The following PEAK1 variants were observed in gnomAD, a reference collection of about 807,000 sequenced individuals.
The protein encoded by PEAK1 is inactive tyrosine-protein kinase PEAK1.
A neutral mutation model predicts 124.7 loss-of-function variants in PEAK1; 54 were observed. The observed-to-expected ratio is 0.43, with a 90% confidence interval of 0.35 to 0.54. PEAK1 has a LOEUF of 0.54. Among genes scored for constraint, PEAK1 ranks in the 20% least tolerant of loss-of-function variants. The pLI, the probability that PEAK1 is intolerant of heterozygous loss-of-function variation, is 0.01. For missense variants in PEAK1, 2,046 were observed against 2,134.5 expected, an observed-to-expected ratio of 0.96 and a Z score of 0.82; for synonymous variants, 719 against 760.0, an observed-to-expected ratio of 0.95 and a Z score of 0.89.
chr15:77,220,973 T>A (rs1200241661), intron 6 of PEAK1, among the ~76,000 whole-genome samples: 2 of 152,100 alleles, frequency 1.3e-5, no homozygotes, highest in African/African-American at 4.8e-5. Flanking sequence ...TAAAAAAGAT[T>A]GAAAGACTAA....
chr15:77,350,596 G>A (rs1015306310), intron 2 of PEAK1: 72 of 916,158 alleles, frequency 7.9e-5, no homozygotes, highest in Non-Finnish European at 8.7e-5. Context: ...GTATATGTGT[G>A]TTAGAGATTC....
At chr15:77,263,197 G>C (rs1279256696) in intron 5 of PEAK1, among the ~76,000 whole-genome samples, 1 of 152,092 alleles carries the variant, frequency 6.6e-6, no homozygotes, top group African/African-American at 2.4e-5. Flanking sequence ...AAAAGAACTA[G>C]AGAAGCAAGA....
At chr15:77,353,298 A>G (rs1413029280) in intron 2 of PEAK1, among the ~76,000 whole-genome samples, 1 of 152,206 alleles carries the variant, frequency 6.6e-6, no homozygotes, top group Non-Finnish European at 1.5e-5. Context: ...TTCCAAGGTT[A>G]TGTCGAGAAA....
At position 77,367,847 on chromosome 15, in the gene PEAK1, A is replaced by G. The variant is rs560881229; in HGVS notation, c.-665-2622T>C. On this transcript the variant is annotated intron_variant, in intron 1 of 9. Transcript: ENST00000682557. ...TCATTACATGCCTCCATGTACAAAC[A>G]GCATTCTAAGTGGTAGAGGGATACC... Among the ~76,000 whole-genome samples, 24 of 152,356 alleles carry G rather than the reference A, an allele frequency of 1.6e-4. No homozygotes were observed. The East Asian group carries it at 3.5e-3, about 22-fold the overall frequency.
intron 2 of PEAK1, chr15:77,350,056 T>A (rs369414575): frequency 1.0e-6 from 1 of 985,274 alleles, no homozygotes; most frequent in Non-Finnish European, 1.2e-6. Flanking sequence ...TCAGCCACCA[T>A]GATAGTTTTC....
chr15:77,319,316 T>C (rs970763746), intron 2 of PEAK1, among the ~76,000 whole-genome samples: 3 of 150,986 alleles, frequency 2.0e-5, no homozygotes, highest in Admixed American at 1.3e-4. Context: ...ATCTTTTCAG[T>C]GATCTACAAA....
intron 2 of PEAK1, among the ~76,000 whole-genome samples, chr15:77,330,489 A>G (rs1269265905): frequency 1.6e-5 from 1 of 62,376 alleles, no homozygotes; most frequent in African/African-American, 5.7e-5. Context: ...AGTGCTTACA[A>G]AAGGTCCTAC....
intron 6 of PEAK1, among the ~76,000 whole-genome samples, chr15:77,222,075 G>A (rs1596689811): frequency 6.6e-6 from 1 of 151,712 alleles, no homozygotes; most frequent in Non-Finnish European, 1.5e-5. Context: ...ATAAAGTTGA[G>A]GATCTAAAAT....
chr15:77,298,536 T>G (rs546708296), intron 2 of PEAK1, among the ~76,000 whole-genome samples: 1 of 152,144 alleles, frequency 6.6e-6, no homozygotes, highest in Admixed American at 6.5e-5. Flanking sequence ...TAATTTCAAC[T>G]TTGAGGAGAC....
chr15:77,329,804 T>C (rs544610464), intron 2 of PEAK1, among the ~76,000 whole-genome samples: 3 of 152,276 alleles, frequency 2.0e-5, no homozygotes, highest in Admixed American at 1.3e-4. Flanking sequence ...AATTTATCAA[T>C]ATATGAAAGT....
chr15:77,164,482 C>CT (rs991241997), intron 7 of PEAK1, among the ~76,000 whole-genome samples: 20 of 152,142 alleles, frequency 1.3e-4, no homozygotes, highest in Admixed American at 4.6e-4. Flanking sequence ...TACAGATCCA[C>CT]TTTTTTTAAA....
intron 9 of PEAK1, among the ~76,000 whole-genome samples, chr15:77,117,851 G>A (rs925729487): frequency 3.9e-5 from 6 of 152,122 alleles, no homozygotes; most frequent in African/African-American, 7.2e-5. Context: ...ATTGTGACTC[G>A]TATTTTAATT....
chr15:77,209,107 A>G (rs2058791357), intron 6 of PEAK1, among the ~76,000 whole-genome samples: 1 of 152,218 alleles, frequency 6.6e-6, no homozygotes, highest in Non-Finnish European at 1.5e-5. Flanking sequence ...GAGTGTTGAA[A>G]AAAGTTCTAT....
At chr15:77,206,540 C>G (rs981140979) in intron 6 of PEAK1, among the ~76,000 whole-genome samples, 41 of 151,702 alleles carry the variant, frequency 2.7e-4, no homozygotes, top group African/African-American at 9.7e-4. Flanking sequence ...GAGATGGTAT[C>G]TCATAGTGGT....
At chr15:77,308,052 C>G (rs1230239973) in intron 2 of PEAK1, among the ~76,000 whole-genome samples, 1 of 151,950 alleles carries the variant, frequency 6.6e-6, no homozygotes, top group African/African-American at 2.4e-5. Flanking sequence ...ATGTTGAAAA[C>G]AGAATAAATA....
At chr15:77,402,677 T>C (rs868204032) in intron 1 of PEAK1, 4 of 985,256 alleles carry the variant, frequency 4.1e-6, no homozygotes, top group African/African-American at 3.5e-5. Flanking sequence ...ATCGTTTAGT[T>C]AATGGTTCCT....
At chr15:77,140,095 G>C (rs1482476107) in intron 8 of PEAK1, among the ~76,000 whole-genome samples, 3 of 152,060 alleles carry the variant, frequency 2.0e-5, no homozygotes, top group Admixed American at 6.5e-5. Flanking sequence ...AATTGAATTA[G>C]TATTTTAAAA....
At chr15:77,292,824 CTT>C (rs1461126195) in intron 2 of PEAK1, among the ~76,000 whole-genome samples, 1 of 151,980 alleles carries the variant, frequency 6.6e-6, no homozygotes, top group Non-Finnish European at 1.5e-5. Flanking sequence ...TATATATAGT[CTT>C]ATATATATGA....
intron 1 of PEAK1, chr15:77,419,204 G>C (rs1393953083): frequency 1.0e-6 from 1 of 985,260 alleles, no homozygotes; most frequent in Non-Finnish European, 1.2e-6. Context: ...AGAGGCAGGC[G>C]GGGGAGGAGG....
Sources: gnomAD v4.1 joint callset for allele counts (sites outside exome capture counted in the v4.1 genomes callset) on GRCh38, gnomAD v4.1.1 for gene constraint, MANE v1.5 for transcripts, NCBI Gene and HGNC (gene_info 2026-07-23, HGNC 2026-07-21) for gene names.